The following PTPRD variants were observed in gnomAD, a reference collection of about 807,000 sequenced individuals.
PTPRD encodes the protein receptor-type tyrosine-protein phosphatase delta.
In PTPRD, 34 loss-of-function variants were observed where a neutral mutation model predicts 214.5. The ratio of observed to expected loss-of-function variants is 0.16; its 90% CI spans 0.12 to 0.21. PTPRD has a LOEUF of 0.21. PTPRD is among the 10% of genes least tolerant of loss of function. The pLI is 1.00. For missense variants in PTPRD, 2,545 were observed against 2,398.7 expected (o/e 1.06, Z -1.27); for synonymous variants, 1,128 against 845.7 (o/e 1.33, Z -5.79).
intron 14 of PTPRD, among the ~76,000 whole-genome samples, chr9:8,553,763 T>C (rs1286431700): frequency 6.6e-6 from 1 of 152,220 alleles, no homozygotes; most frequent in Non-Finnish European, 1.5e-5. Context: ...AGAGAACCTA[T>C]ATAACCCTAT....
At chr9:9,468,148 T>C (rs1401413370) in intron 8 of PTPRD, among the ~76,000 whole-genome samples, 2 of 152,118 alleles carry the variant, frequency 1.3e-5, no homozygotes, top group South Asian at 4.1e-4. Context: ...TTTCTTTCTC[T>C]CTTTCCTTCT....
At chr9:8,805,619 C>T (rs1345242840) in intron 11 of PTPRD, among the ~76,000 whole-genome samples, 9 of 150,238 alleles carry the variant, frequency 6.0e-5, no homozygotes, top group African/African-American at 2.0e-4. Context: ...TATTTTTTTC[C>T]GAGATGGAGT....
intron 11 of PTPRD, among the ~76,000 whole-genome samples, chr9:8,916,443 G>A (rs2098786487): frequency 1.3e-5 from 2 of 152,138 alleles, no homozygotes; most frequent in South Asian, 4.1e-4. Context: ...GGAGAGGATG[G>A]GGTAAGTGGG....
intron 3 of PTPRD, among the ~76,000 whole-genome samples, chr9:10,099,954 G>T (rs746621080): frequency 1.6e-4 from 25 of 151,610 alleles, no homozygotes; most frequent in Non-Finnish European, 2.4e-4. Flanking sequence ...CATTTTAAAG[G>T]ATTTGAAATT....
At chr9:10,272,753 T>A (rs2154383911) in intron 3 of PTPRD, among the ~76,000 whole-genome samples, 1 of 152,358 alleles carries the variant, frequency 6.6e-6, no homozygotes, top group Non-Finnish European at 1.5e-5. Flanking sequence ...GTCAGTAAAT[T>A]AAGCTGTATT....
chr9:9,229,350 A>G (rs1382268561), intron 9 of PTPRD, among the ~76,000 whole-genome samples: 1 of 152,128 alleles, frequency 6.6e-6, no homozygotes, highest in Non-Finnish European at 1.5e-5. Flanking sequence ...GGCCCAGAGA[A>G]TTAAGACAGA....
chr9:9,888,896 C>T (rs1373238907), intron 5 of PTPRD, among the ~76,000 whole-genome samples: 2 of 152,058 alleles, frequency 1.3e-5, no homozygotes, highest in Non-Finnish European at 2.9e-5. Flanking sequence ...TATTGCAGTA[C>T]CTCTTTTTAT....
intron 3 of PTPRD, among the ~76,000 whole-genome samples, chr9:10,091,292 T>C (rs1264653197): frequency 2.0e-5 from 3 of 151,468 alleles, no homozygotes; most frequent in Non-Finnish European, 3.0e-5. Context: ...GATGTCCCAA[T>C]AGTAAAAGGA....
At chr9:8,374,114 C>CTGTGTG (rs6150905) in intron 39 of PTPRD, among the ~76,000 whole-genome samples, 132 of 142,902 alleles carry the variant, frequency 9.2e-4, no homozygotes, top group Middle Eastern at 7.0e-3. Context: ...ACACACGTGT[C>CTGTGTG]TGTGTGTGTG....
At chr9:10,216,586 G>A (rs191153369) in intron 3 of PTPRD, among the ~76,000 whole-genome samples, 1 of 151,844 alleles carries the variant, frequency 6.6e-6, no homozygotes, top group Non-Finnish European at 1.5e-5. Flanking sequence ...TCAATATTAA[G>A]AGAATACTAA....
intron 11 of PTPRD, among the ~76,000 whole-genome samples, chr9:8,875,165 G>A: frequency 6.6e-6 from 1 of 152,164 alleles, no homozygotes; most frequent in East Asian, 1.9e-4. Flanking sequence ...ATGTGTTAAA[G>A]TTAATTATGA....
rs1169594342 is a variant in PTPRD at position 9,499,615 on chromosome 9, A to C, written c.-237+75117T>G. Reference sequence around the variant, plus strand: ...TCCTATCAGTATTATTTATCAGTGAATCAGACTGGTATATGGGCAAACATT... The same window carrying C: ...TCCTATCAGTATTATTTATCAGTGACTCAGACTGGTATATGGGCAAACATT... On this transcript the variant is annotated intron_variant, in intron 8 of 45. Coordinates refer to ENST00000381196, the MANE Select transcript of PTPRD (RefSeq NM_002839.4). Among the ~76,000 whole-genome samples, 6 of 152,102 alleles carry C rather than the reference A, an allele frequency of 3.9e-5. No individual in the cohort carries two copies. The East Asian group carries it at 1.2e-3, about 29-fold the overall frequency.
rs150491752 is a variant in PTPRD at position 9,441,838 on chromosome 9, C to A, written c.-236-44356G>T. On this transcript the variant is annotated intron_variant, in intron 8 of 45. Coordinates refer to ENST00000381196, the MANE Select transcript of PTPRD (RefSeq NM_002839.4). ...TTGCAGAATGGTGTCATGCTAAGGA[C>A]AATTGTTATAAGTGATAAAATTGCT... 3.7e-3 allele frequency among the ~76,000 whole-genome samples: 570 copies of A among 152,292 alleles called. 3 individuals carry two copies. Among genetic ancestry groups the A allele is most frequent in the Middle Eastern group, 6.8e-3 (2 of 294 alleles).
chr9:9,454,067 G>A (rs1036208610), intron 8 of PTPRD, among the ~76,000 whole-genome samples: 4 of 150,992 alleles, frequency 2.6e-5, no homozygotes, highest in South Asian at 2.1e-4. Context: ...AGAATTTCAC[G>A]ACAGATTCTT....
At chr9:10,354,455 G>C (rs10118105) in intron 2 of PTPRD, among the ~76,000 whole-genome samples, 1 of 151,898 alleles carries the variant, frequency 6.6e-6, no homozygotes, top group Non-Finnish European at 1.5e-5. Flanking sequence ...TCACTTTTAT[G>C]AATGAAGCCT....
intron 26 of PTPRD, among the ~76,000 whole-genome samples, chr9:8,496,341 G>A (rs1042766414): frequency 2.0e-5 from 3 of 151,980 alleles, no homozygotes; most frequent in Non-Finnish European, 2.9e-5. Flanking sequence ...TATTGACACT[G>A]TCCACTAATT....
intron 3 of PTPRD, among the ~76,000 whole-genome samples, chr9:10,173,230 G>T (rs2099222592): frequency 6.6e-6 from 1 of 152,196 alleles, no homozygotes; most frequent in Non-Finnish European, 1.5e-5. Flanking sequence ...TTCTAGTAGT[G>T]TTTTAAAATT....
At chr9:8,828,912 C>T (rs928491556) in intron 11 of PTPRD, among the ~76,000 whole-genome samples, 2 of 152,106 alleles carry the variant, frequency 1.3e-5, no homozygotes, top group African/African-American at 4.8e-5. Flanking sequence ...TTCATCTTCA[C>T]AGCATATGTG....
intron 9 of PTPRD, among the ~76,000 whole-genome samples, chr9:9,366,979 C>T (rs914102357): frequency 4.7e-5 from 7 of 150,300 alleles, no homozygotes; most frequent in East Asian, 2.0e-4. Flanking sequence ...AAATGTCCTG[C>T]GAAATTTGGT....
Sources: gnomAD v4.1 joint callset for allele counts (sites outside exome capture counted in the v4.1 genomes callset) on GRCh38, gnomAD v4.1.1 for gene constraint, MANE v1.5 for transcripts, NCBI Gene and HGNC (gene_info 2026-07-23, HGNC 2026-07-21) for gene names.